The following CEP63 variants were observed in gnomAD, a reference collection of about 807,000 sequenced individuals.
The protein encoded by CEP63 is centrosomal protein of 63 kDa.
Under a neutral mutation model 89.1 loss-of-function variants are expected in CEP63, and 84 were observed. That is an observed-to-expected ratio of 0.94 (90% CI 0.79 to 1.13). CEP63 has a LOEUF of 1.13. Ranked by LOEUF, CEP63 falls within the 50% of genes most tolerant of loss-of-function variation. The probability of loss-of-function intolerance (pLI) is 0.00; values close to 1 mark genes in which losing one functional copy is unlikely to be tolerated. For synonymous variants in CEP63, 267 were observed against 272.5 expected, an observed-to-expected ratio of 0.98 and a Z score of 0.20; for missense variants, 838 against 813.3, an observed-to-expected ratio of 1.03 and a Z score of -0.37.
chr3:134,698,696 C>T, the CEP63 span, among the ~76,000 whole-genome samples: 2 of 152,346 alleles, frequency 1.3e-5, no homozygotes, highest in East Asian at 3.9e-4. Flanking sequence ...AGGCTGCCCT[C>T]GCCCACACCT....
At chr3:134,512,261 T>G (rs1945159523) in intron 3 of CEP63, among the ~76,000 whole-genome samples, 1 of 152,220 alleles carries the variant, frequency 6.6e-6, no homozygotes, top group Non-Finnish European at 1.5e-5. Context: ...GGTGGATCAC[T>G]AATATAAGCA....
the CEP63 span, among the ~76,000 whole-genome samples, chr3:134,738,600 G>T: frequency 3.3e-5 from 5 of 151,968 alleles, no homozygotes; most frequent in Non-Finnish European, 5.9e-5. Context: ...TAATACAACA[G>T]ACTTTGGGGA....
chr3:134,551,770 C>CAT (rs1353191871), intron 11 of CEP63, among the ~76,000 whole-genome samples, 156 bp from the exon 12 acceptor site: 23 of 143,782 alleles, frequency 1.6e-4, no homozygotes, highest in Admixed American at 2.1e-4. Context: ...CACACACGTA[C>CAT]ATATATATAT....
At chr3:134,698,569 G>A in the CEP63 span, among the ~76,000 whole-genome samples, 1 of 152,200 alleles carries the variant, frequency 6.6e-6, no homozygotes. Flanking sequence ...TGCAGCTGCT[G>A]CCTGTCAGGC....
At chr3:134,675,193 G>T in the CEP63 span, among the ~76,000 whole-genome samples, 34 of 152,206 alleles carry the variant, frequency 2.2e-4, 1 homozygote, top group African/African-American at 7.9e-4. Context: ...TAGACAGATA[G>T]ATAAATGGAA....
At chr3:134,645,817 G>T in the CEP63 span, among the ~76,000 whole-genome samples, 8 of 152,290 alleles carry the variant, frequency 5.3e-5, no homozygotes, top group African/African-American at 1.9e-4. Context: ...TCTTTTACAA[G>T]AGTCTTATAA....
intron 3 of CEP63, among the ~76,000 whole-genome samples, chr3:134,515,794 C>A (rs946895742): frequency 2.0e-5 from 3 of 152,152 alleles, no homozygotes; most frequent in Admixed American, 6.5e-5. Flanking sequence ...TACACTAACA[C>A]TAATGCTGGC....
At chr3:134,517,096 T>C (rs1338015715) in intron 3 of CEP63, among the ~76,000 whole-genome samples, 1 of 152,200 alleles carries the variant, frequency 6.6e-6, no homozygotes. Context: ...CACCAGCTGC[T>C]TACTTCAGTA....
In CEP63 at chr3:134,533,620, C is replaced by T. The variant is rs187278932; in HGVS notation, c.441+720C>T. On this transcript the variant is annotated intron_variant, in intron 5 of 14. Transcript: ENST00000675561. ...AAGAGCACAAGGCTGTCATTCTCTT[C>T]GTCTGTCCTTGCCATTAGTTCTTCA... 4.6e-4 allele frequency among the ~76,000 whole-genome samples: 70 copies of T among 152,324 alleles called. 1 individual carries two copies. The highest frequency in any genetic ancestry group is 1.6e-3 in the African/African-American group (65 of 41,568).
At chr3:134,610,234 C>T in the CEP63 span, 1 of 1,613,862 alleles carries the variant, frequency 6.2e-7, no homozygotes, top group Non-Finnish European at 8.5e-7. Flanking sequence ...CACCAGGCCG[C>T]TGCCCCAGGT....
At chr3:134,594,111 T>C in the CEP63 span, among the ~76,000 whole-genome samples, 1 of 152,230 alleles carries the variant, frequency 6.6e-6, no homozygotes, top group African/African-American at 2.4e-5. Flanking sequence ...AATACAAATA[T>C]AAATATGAGC....
chr3:134,533,234 G>A (rs1220894027), intron 5 of CEP63, among the ~76,000 whole-genome samples: 1 of 152,148 alleles, frequency 6.6e-6, no homozygotes, highest in Non-Finnish European at 1.5e-5. Context: ...TACTAAACAT[G>A]CCTAAGAGTG....
chr3:134,557,882 C>G (rs1341712992), intron 12 of CEP63, among the ~76,000 whole-genome samples: 4 of 152,282 alleles, frequency 2.6e-5, no homozygotes, highest in African/African-American at 9.6e-5. Flanking sequence ...CAGCTTTCCT[C>G]CATCCTGATT....
chr3:134,680,756 C>G, the CEP63 span, among the ~76,000 whole-genome samples: 1 of 152,110 alleles, frequency 6.6e-6, no homozygotes, highest in African/African-American at 2.4e-5. Flanking sequence ...GCTAGTGGCT[C>G]GAAAAGAAGA....
chr3:134,665,431 A>G, the CEP63 span, among the ~76,000 whole-genome samples: 1 of 152,218 alleles, frequency 6.6e-6, no homozygotes, highest in Non-Finnish European at 1.5e-5. Flanking sequence ...AGGCGGGCCC[A>G]GGGCTGGGCT....
the CEP63 span, among the ~76,000 whole-genome samples, chr3:134,674,425 A>T: frequency 1.3e-5 from 2 of 152,258 alleles, no homozygotes; most frequent in Non-Finnish European, 2.9e-5. Context: ...AACTAGGAAT[A>T]TAAGGGAACT....
At chr3:134,745,726 C>G in the CEP63 span, among the ~76,000 whole-genome samples, 1 of 151,716 alleles carries the variant, frequency 6.6e-6, no homozygotes, top group Non-Finnish European at 1.5e-5. Context: ...ATGTTCCCCG[C>G]CCTGTATCCA....
the CEP63 span, among the ~76,000 whole-genome samples, chr3:134,609,494 A>C: frequency 1.7e-4 from 26 of 152,146 alleles, no homozygotes; most frequent in African/African-American, 6.3e-4. Context: ...GAGTGTCAAG[A>C]TTTAAGGTGC....
the CEP63 span, among the ~76,000 whole-genome samples, chr3:134,729,316 T>C: frequency 1.3e-5 from 2 of 152,240 alleles, no homozygotes; most frequent in Non-Finnish European, 2.9e-5. Context: ...AAAAATACTT[T>C]TATATTCTCC....
Sources: allele counts gnomAD v4.1 joint callset (sites outside exome capture counted in the v4.1 genomes callset), GRCh38; gene constraint gnomAD v4.1.1; transcripts MANE v1.5; gene names NCBI Gene and HGNC (gene_info 2026-07-23, HGNC 2026-07-21).